Variants in TCN1 observed in about 807,000 individuals in gnomAD.
The protein encoded by TCN1 is transcobalamin-1.
TCN1 carries 47 observed loss-of-function variants against 46.3 expected under a neutral mutation model. The observed-to-expected ratio is 1.01, with a 90% CI of 0.80 to 1.29. The LOEUF is 1.29. Ranked by LOEUF, TCN1 falls within the 50% of genes most tolerant of loss-of-function variation. The pLI is 0.00. For synonymous variants in TCN1, 183 were observed against 192.5 expected (o/e 0.95, Z 0.41); for missense variants, 532 against 511.0 (o/e 1.04, Z -0.40).
chr11:59,861,675 G>A lies in TCN1; in HGVS notation c.408C>T (p.His136=). ...AGTAGTTAGTCAGGGGAGTGCCATTGTGTGCTTCTAGAAAAGAGAAGAAAT... is the reference window on the plus strand; with the variant it reads ...AGTAGTTAGTCAGGGGAGTGCCATTATGTGCTTCTAGAAAAGAGAAGAAAT... The part of the protein sequence containing the change: ...FQAEIENMEA[H]NGTPLTNYYQ... The change falls in exon 4 of 9, where the codon CAC becomes CAT. Residue 136 remains histidine, a synonymous_variant. Transcript: ENST00000257264. 6 of 1,614,100 alleles carry A rather than the reference G, an allele frequency of 3.7e-6. No individual in the cohort carries two copies. The highest frequency in any genetic ancestry group is 5.1e-6 in the Non-Finnish European group (6 of 1,179,966).
intron 7 of TCN1, among the ~76,000 whole-genome samples, chr11:59,853,569 G>T (rs561531405): frequency 6.6e-6 from 1 of 152,250 alleles, no homozygotes; most frequent in Middle Eastern, 3.4e-3. Flanking sequence ...TTAGAGAAAT[G>T]ATGCTCATGG....
rs1866684247 is a variant in TCN1, at chr11:59,853,042, A to C, written c.1241-6T>G. 7 of 1,614,032 alleles carry C rather than the reference A, an allele frequency of 4.3e-6. No individual in the cohort carries two copies. Among genetic ancestry groups the C allele is most frequent in the Non-Finnish European group, 5.9e-6 (7 of 1,180,002 alleles). ...GACAACGTAACTACCAGCTCCTGAA[A>C]AGGAAGAAGAAAGAGAACTGGGTCA... On this transcript the variant is annotated splice_polypyrimidine_tract_variant and splice_region_variant and intron_variant, in intron 8 of 8. Transcript: ENST00000257264.
intron 2 of TCN1, among the ~76,000 whole-genome samples, chr11:59,863,001 G>T (rs1478072155): frequency 1.3e-5 from 2 of 152,196 alleles, no homozygotes; most frequent in African/African-American, 2.4e-5. Context: ...CTAAAAACCA[G>T]TATAGCATGT....
At chr11:59,854,922 G>T in intron 6 of TCN1, 87 bp from the exon 7 acceptor site, 1 of 1,434,312 alleles carries the variant, frequency 7.0e-7, no homozygotes, top group Non-Finnish European at 9.7e-7. Context: ...CCTATCCAAG[G>T]ACTCCTTGCC....
chr11:59,856,083 G>A (rs750078207), intron 5 of TCN1, 25 bp from the exon 6 acceptor site: 4 of 1,265,344 alleles, frequency 3.2e-6, no homozygotes, highest in East Asian at 2.7e-5. Context: ...TGGGGTGGGG[G>A]GGTGATGAGA....
At position 59,862,581 on chromosome 11, in the gene TCN1, C is replaced by T. The variant is rs1470886833; in HGVS notation, c.400+1G>A. 6.2e-7 allele frequency: 1 copy of T among 1,613,086 alleles called. No homozygotes were observed. Among genetic ancestry groups the T allele is most frequent in the African/African-American group, 1.3e-5 (1 of 74,940 alleles). ...AGGGTCTCTAAATATTTAATTCTTACCCATATTTTCAATTTCTGCTTGGAA... is the reference window on the plus strand; with the variant it reads ...AGGGTCTCTAAATATTTAATTCTTATCCATATTTTCAATTTCTGCTTGGAA... On this transcript the variant is annotated splice_donor_variant, in intron 3 of 8. Transcript: ENST00000257264. LOFTEE classifies it high-confidence loss of function.
intron 1 of TCN1, among the ~76,000 whole-genome samples, chr11:59,866,020 G>A (rs526934): frequency 0.77 from 117,320 of 152,088 alleles, 45,494 homozygotes; most frequent in African/African-American, 0.86. Context: ...GAATTTCAGG[G>A]AAAAAAGATT....
chr11:59,862,822 T>A, intron 2 of TCN1, 100 bp from the exon 3 acceptor site: 1 of 1,336,724 alleles, frequency 7.5e-7, no homozygotes, highest in Non-Finnish European at 1.1e-6. Flanking sequence ...TTTTTTCTTC[T>A]GTTGCGCTCT....
rs1350022912 is a variant in TCN1, at chr11:59,861,622, A to G, written c.461T>C (p.Leu154Ser). Residue 154 changes from leucine to serine, a missense_variant, in exon 4 of 9, where the codon TTG becomes TCG. Transcript: ENST00000257264. Reference protein sequence around the residue: ...YYQLSLDVLALCLFNGNYSTA... With the variant: ...YYQLSLDVLASCLFNGNYSTA... The stretch of plus-strand genomic sequence containing the variant: ...TGAGTAGTTCCCATTGAACAGACAC[A>G]AGGCCAAAACGTCCAGGCTGAGCTG... 1 of 1,614,162 alleles carries G rather than the reference A, an allele frequency of 6.2e-7. No individual in the cohort carries two copies. The highest frequency in any genetic ancestry group is 8.5e-7 in the Non-Finnish European group (1 of 1,179,992).
chr11:59,852,999 C>T lies in TCN1; in HGVS notation c.1278G>A (p.Leu426=). The T allele has an allele frequency of 6.2e-7, 1 of 1,614,140 alleles. No homozygotes were observed. The highest frequency in any genetic ancestry group is 8.5e-7 in the Non-Finnish European group (1 of 1,180,022). ...ATTAGTATTTGCTCCAGCGAACCTC[C>T]AAGTTTTCTCCATTGCGGACAACGT... ...GSYVVRNGEN[L]EVRWSKY The change falls in exon 9 of 9, where the codon TTG becomes TTA. Residue 426 remains leucine (L), a synonymous_variant. Transcript: ENST00000257264.
In TCN1 at chr11:59,862,589, TTCAATTTCTGC is replaced by T; in HGVS notation, c.382_392del (p.Ala128LysfsTer12). 6.2e-7 allele frequency: 1 copy of T among 1,613,426 alleles called. No homozygotes were observed. Among genetic ancestry groups the T allele is most frequent in the Non-Finnish European group, 8.5e-7 (1 of 1,179,596 alleles). On this transcript the variant is annotated frameshift_variant, in exon 3 of 9. Transcript: ENST00000257264. LOFTEE classifies it high-confidence loss of function. ...TAAATATTTAATTCTTACCCATATT[TTCAATTTCTGC>T]TTGGAATTTATTTTCTAGCTTGTCG...
Position 59,861,538 on chromosome 11 carries a change from T to C in TCN1, c.545A>G (p.Gln182Arg). Reference sequence around the variant, plus strand: ...GCTTAGTAACTCACCTACTGAGAACTGGCTACCAAAATAATAGTTTTTATT... The same window carrying C: ...GCTTAGTAACTCACCTACTGAGAACCGGCTACCAAAATAATAGTTTTTATT... The part of the protein sequence containing the change: ...PENKNYYFGS[Q>R]FSVDTGAMAV... The change falls in exon 4 of 9, where the codon CAG (glutamine) becomes CGG (arginine). Residue 182 changes from glutamine to arginine, a missense_variant. Gln to Arg is a conservative substitution (Grantham distance 43, BLOSUM62 1). Transcript: ENST00000257264. 2 of 1,614,092 alleles carry C rather than the reference T, an allele frequency of 1.2e-6. No individual in the cohort carries two copies. The highest frequency in any genetic ancestry group is 1.7e-6 in the Non-Finnish European group (2 of 1,179,950).
intron 3 of TCN1, 79 bp from the exon 4 acceptor site, chr11:59,861,761 CTATTT>C (rs1318795098): frequency 2.0e-6 from 3 of 1,499,070 alleles, no homozygotes; most frequent in African/African-American, 2.8e-5. Flanking sequence ...CCTACTTACT[CTATTT>C]TAATTTCTTT....
At chr11:59,855,690 G>A (rs1852922957) in intron 6 of TCN1, among the ~76,000 whole-genome samples, 179 bp downstream of exon 6, 3 of 152,188 alleles carry the variant, frequency 2.0e-5, no homozygotes, top group Admixed American at 2.0e-4. Context: ...ACTCAGTTAA[G>A]AACAAATCCT....
intron 4 of TCN1, 38 bp downstream of exon 4, chr11:59,861,489 T>C (rs201578268): frequency 1.2e-6 from 2 of 1,608,206 alleles, no homozygotes; most frequent in Non-Finnish European, 1.7e-6. Context: ...CTGGTGACCA[T>C]GTCCTCTGTA....
intron 1 of TCN1, among the ~76,000 whole-genome samples, chr11:59,864,851 A>G (rs1853055645): frequency 6.6e-6 from 1 of 152,202 alleles, no homozygotes; most frequent in African/African-American, 2.4e-5. Context: ...CCCAAATCCT[A>G]CATATCTCCA....
intron 5 of TCN1, 87 bp from the exon 6 acceptor site, chr11:59,856,145 C>A: frequency 9.1e-7 from 1 of 1,102,918 alleles, no homozygotes; most frequent in Non-Finnish European, 1.4e-6. Flanking sequence ...AGGGGGAAGC[C>A]TTATCTATAA....
At chr11:59,853,092 A>C (rs919409038) in intron 8 of TCN1, 56 bp from the exon 9 acceptor site, 3 of 1,600,596 alleles carry the variant, frequency 1.9e-6, no homozygotes, top group African/African-American at 1.3e-5. Flanking sequence ...TAAATCACCA[A>C]ATAATGGATG....
intron 5 of TCN1, among the ~76,000 whole-genome samples, chr11:59,857,582 C>T (rs537605099): frequency 1.6e-4 from 24 of 152,186 alleles, no homozygotes; most frequent in Middle Eastern, 3.4e-3. Context: ...TCCTCACTGT[C>T]GTCTCTCCCT....
Sources: gnomAD v4.1 joint callset for allele counts (sites outside exome capture counted in the v4.1 genomes callset) on GRCh38, gnomAD v4.1.1 for gene constraint, MANE v1.5 for transcripts, NCBI Gene and HGNC (gene_info 2026-07-23, HGNC 2026-07-21) for gene names.